Variants in ANKS1B observed in about 807,000 individuals in gnomAD.
The protein encoded by ANKS1B is ankyrin repeat and sterile alpha motif domain-containing protein 1B.
Under a neutral mutation model 148.3 loss-of-function variants are expected in ANKS1B, and 36 were observed. The observed-to-expected ratio is 0.24, with a 90% confidence interval of 0.19 to 0.32. The LOEUF is 0.32. ANKS1B is among the 10% of genes least tolerant of loss of function. ANKS1B has a pLI of 1.00. For missense variants in ANKS1B, 1,157 were observed against 1,542.6 expected (o/e 0.75, Z 4.19); for synonymous variants, 542 against 560.8 (o/e 0.97, Z 0.47).
intron 8 of ANKS1B, among the ~76,000 whole-genome samples, chr12:99,744,191 G>C (rs1024193637): frequency 3.3e-5 from 5 of 152,038 alleles, no homozygotes; most frequent in Non-Finnish European, 5.9e-5. Flanking sequence ...GAGAAATGAA[G>C]GGGAAAGGTT....
At chr12:99,217,940 A>T (rs1222729568) in intron 14 of ANKS1B, among the ~76,000 whole-genome samples, 1 of 152,136 alleles carries the variant, frequency 6.6e-6, no homozygotes, top group Non-Finnish European at 1.5e-5. Context: ...TTAAAACCCA[A>T]TCTATAATCT....
chr12:99,610,637 A>G (rs539051267), intron 9 of ANKS1B, among the ~76,000 whole-genome samples: 74 of 152,206 alleles, frequency 4.9e-4, no homozygotes, highest in African/African-American at 1.8e-3. Context: ...CTTGCATCTG[A>G]GTTCAAAGTA....
At chr12:98,810,947 C>T (rs1056880599) in intron 19 of ANKS1B, among the ~76,000 whole-genome samples, 4 of 152,202 alleles carry the variant, frequency 2.6e-5, no homozygotes, top group African/African-American at 9.6e-5. Flanking sequence ...GAGGTGAGGG[C>T]AGGTGTCATG....
At chr12:99,065,590 T>TC (rs1565854148) in intron 16 of ANKS1B, among the ~76,000 whole-genome samples, 964 of 67,138 alleles carry the variant, frequency 0.014, 21 homozygotes, top group African/African-American at 0.032. Context: ...TCCATTCCAT[T>TC]CATCCATCCA....
chr12:99,041,068 T>C (rs552666015), intron 17 of ANKS1B, among the ~76,000 whole-genome samples: 23 of 152,184 alleles, frequency 1.5e-4, no homozygotes, highest in Non-Finnish European at 3.2e-4. Context: ...CCATCTACTT[T>C]GAGTCTGCTA....
At chr12:99,855,623 G>A (rs75350692) in intron 1 of ANKS1B, among the ~76,000 whole-genome samples, 1 of 152,088 alleles carries the variant, frequency 6.6e-6, no homozygotes, top group Non-Finnish European at 1.5e-5. Context: ...CTATTCATCA[G>A]CACATGGAAC....
rs569398477 is a variant in ANKS1B at position 98,985,817 on chromosome 12, C to T, written c.2778+67340G>A. ...GTCTCATATTTATCTACACTTTTAA[C>T]ATTTCCAGTGCTCCTCATTTCTTTG... On this transcript the variant is annotated intron_variant, in intron 17 of 26. Transcript: ENST00000683438. Among the ~76,000 whole-genome samples, 15 of 152,198 alleles carry T rather than the reference C, an allele frequency of 9.9e-5. No individual in the cohort carries two copies. The South Asian group carries it at 2.9e-3, about 29-fold the overall frequency.
chr12:99,179,803 T>C (rs1345627930), intron 14 of ANKS1B, among the ~76,000 whole-genome samples: 1 of 152,190 alleles, frequency 6.6e-6, no homozygotes, highest in Non-Finnish European at 1.5e-5. Context: ...TGCTGACATA[T>C]GATAAATCCT....
intron 1 of ANKS1B, among the ~76,000 whole-genome samples, chr12:99,981,244 T>C (rs541464270): frequency 2.6e-5 from 4 of 152,122 alleles, no homozygotes; most frequent in African/African-American, 9.6e-5. Flanking sequence ...TTATTACTAT[T>C]TCCACTCTGA....
chr12:99,080,081 T>C (rs2049148722), intron 16 of ANKS1B: 1 of 152,318 alleles, frequency 6.6e-6, no homozygotes, highest in East Asian at 1.9e-4. Context: ...CCCTTAAATA[T>C]ACCGCTTTAA....
chr12:99,097,795 G>C (rs141252864), intron 15 of ANKS1B, among the ~76,000 whole-genome samples: 4 of 152,282 alleles, frequency 2.6e-5, no homozygotes, highest in South Asian at 2.1e-4. Flanking sequence ...TCTCAACTGA[G>C]CCATGAAAGG....
intron 15 of ANKS1B, among the ~76,000 whole-genome samples, chr12:99,137,277 C>T (rs1483378502): frequency 6.6e-6 from 1 of 152,192 alleles, no homozygotes; most frequent in Non-Finnish European, 1.5e-5. Context: ...GAAGTCACCA[C>T]TGATGCCAAT....
chr12:99,699,650 C>T, intron 8 of ANKS1B, among the ~76,000 whole-genome samples: 1 of 152,086 alleles, frequency 6.6e-6, no homozygotes, highest in Non-Finnish European at 1.5e-5. Flanking sequence ...CTAAACGATA[C>T]AAAAATTAAG....
chr12:99,455,346 C>G (rs1355721193), intron 10 of ANKS1B, among the ~76,000 whole-genome samples: 2 of 152,166 alleles, frequency 1.3e-5, no homozygotes, highest in East Asian at 3.9e-4. Flanking sequence ...AGCTGCCACT[C>G]AGATGGACAG....
chr12:98,784,635 C>A (rs2098772228), intron 22 of ANKS1B, among the ~76,000 whole-genome samples: 1 of 152,082 alleles, frequency 6.6e-6, no homozygotes, highest in Non-Finnish European at 1.5e-5. Context: ...GCAATGGATG[C>A]CAGTTAAAGG....
intron 11 of ANKS1B, among the ~76,000 whole-genome samples, chr12:99,412,678 G>A (rs1225348441): frequency 6.6e-6 from 1 of 152,030 alleles, no homozygotes; most frequent in African/African-American, 2.4e-5. Flanking sequence ...TGTTAATTTT[G>A]TATTTATTTT....
At chr12:99,057,566 G>A (rs1481813878) in intron 16 of ANKS1B, among the ~76,000 whole-genome samples, 1 of 151,974 alleles carries the variant, frequency 6.6e-6, no homozygotes, top group African/African-American at 2.4e-5. Context: ...CATATCTAAC[G>A]AGGTCACTCA....
intron 11 of ANKS1B, among the ~76,000 whole-genome samples, chr12:99,420,326 T>C (rs924810977): frequency 3.9e-5 from 6 of 152,214 alleles, no homozygotes; most frequent in African/African-American, 1.4e-4. Context: ...ACGAGGGTTA[T>C]CACAAAGTAA....
At chr12:99,494,770 A>G (rs2096588151) in intron 10 of ANKS1B, among the ~76,000 whole-genome samples, 1 of 150,606 alleles carries the variant, frequency 6.6e-6, no homozygotes, top group South Asian at 2.1e-4. Flanking sequence ...AATTAAAATT[A>G]TAGAGGAGAG....
Sources: gnomAD v4.1 joint callset for allele counts (sites outside exome capture counted in the v4.1 genomes callset) on GRCh38, gnomAD v4.1.1 for gene constraint, MANE v1.5 for transcripts, NCBI Gene and HGNC (gene_info 2026-07-23, HGNC 2026-07-21) for gene names.